URB1: variants seen among roughly 807,000 people sequenced by gnomAD.
URB1 encodes nucleolar pre-ribosomal-associated protein 1.
A neutral mutation model predicts 242.3 loss-of-function variants in URB1; 197 were observed. The ratio of observed to expected loss-of-function variants is 0.81; its 90% CI spans 0.72 to 0.91. URB1 has a LOEUF of 0.91. URB1 is among the 40% of genes least tolerant of loss of function. URB1 has a pLI of 0.00. For missense variants in URB1, 2,721 were observed against 2,860.5 expected, an observed-to-expected ratio of 0.95 and a Z score of 1.11; for synonymous variants, 1,153 against 1,201.8, an observed-to-expected ratio of 0.96 and a Z score of 0.84.
At chr21:32,389,522 T>C (rs2033616764) in intron 1 of URB1, among the ~76,000 whole-genome samples, 1 of 152,134 alleles carries the variant, frequency 6.6e-6, no homozygotes, top group Non-Finnish European at 1.5e-5. Flanking sequence ...GGACTGATGA[T>C]GCCTGGACTA....
At chr21:32,383,295 C>A in intron 4 of URB1, 127 bp downstream of exon 4, 1 of 1,242,992 alleles carries the variant, frequency 8.0e-7, no homozygotes, top group South Asian at 1.6e-5. Context: ...CTGACACACA[C>A]CTTTCTACAT....
chr21:32,315,423 C>T (rs2032667476), intron 38 of URB1, among the ~76,000 whole-genome samples: 2 of 152,088 alleles, frequency 1.3e-5, no homozygotes, highest in South Asian at 4.2e-4. Flanking sequence ...AGGTGATCCT[C>T]CCACCTCAGC....
At chr21:32,330,270 T>A (rs2032878831) in intron 30 of URB1, among the ~76,000 whole-genome samples, 1 of 151,172 alleles carries the variant, frequency 6.6e-6, no homozygotes, top group Non-Finnish European at 1.5e-5. Flanking sequence ...AATGTTCTAC[T>A]TTGATATGAA....
At chr21:32,343,128 G>C (rs1342763293) in intron 24 of URB1, among the ~76,000 whole-genome samples, 1 of 151,716 alleles carries the variant, frequency 6.6e-6, no homozygotes, top group African/African-American at 2.4e-5. Flanking sequence ...TATATAACAA[G>C]GTTTCTACAG....
Position 32,383,561 on chromosome 21 carries a change from A to C in URB1, c.435-7T>G. On this transcript the variant is annotated splice_region_variant and splice_polypyrimidine_tract_variant and intron_variant, in intron 3 of 38. Coordinates refer to ENST00000382751, the MANE Select transcript of URB1 (RefSeq NM_014825.3). ...CAGGCAGGCGCGAGCCAACCTGCAC[A>C]GGGAACCAGAGGAAATCGGACACGT... The C allele has an allele frequency of 1.3e-6, 2 of 1,549,038 alleles. No homozygotes were observed. The highest frequency in any genetic ancestry group is 1.7e-6 in the Non-Finnish European group (2 of 1,145,988).
intron 1 of URB1, among the ~76,000 whole-genome samples, chr21:32,387,247 T>C (rs1230292227): frequency 6.6e-6 from 1 of 152,094 alleles, no homozygotes; most frequent in Non-Finnish European, 1.5e-5. Context: ...GCCACCTGTG[T>C]GCCGCTGCCC....
Position 32,311,983 on chromosome 21 carries a change from A to C in URB1, c.*2935T>G. ...CCTCCCCCTGGAGACAGGACCTCTC[A>C]ATTGCAGAGCTGATGTCAGTAAATC... is the stretch of plus-strand genomic sequence containing the variant. On this transcript the variant is annotated 3_prime_UTR_variant, in exon 39 of 39. Coordinates refer to ENST00000382751, the MANE Select transcript of URB1 (RefSeq NM_014825.3). 1 of 1,613,294 alleles carries C rather than the reference A, an allele frequency of 6.2e-7. No individual in the cohort carries two copies. The highest frequency in any genetic ancestry group is 8.5e-7 in the Non-Finnish European group (1 of 1,180,030).
At chr21:32,377,265 G>A (rs111772913) in intron 5 of URB1, 396 of 517,410 alleles carry the variant, frequency 7.7e-4, no homozygotes, top group Non-Finnish European at 1.3e-3. Flanking sequence ...GTTTGCTCTG[G>A]CATGGGGTAC....
chr21:32,321,691 C>A lies in URB1; in HGVS notation c.5484+110G>T, dbSNP rs1046760646. 2.1e-6 allele frequency: 3 copies of A among 1,461,128 alleles called. No individual in the cohort carries two copies. In the South Asian group the frequency reaches 4.1e-5, roughly 20 times the overall value. The allele number at this position is 1,461,128 out of a possible 1,614,324, so 90.5% of individuals were successfully genotyped here. A position where few individuals can be genotyped will look rare whatever the true frequency, so the allele number is the denominator to read the frequency against. On this transcript the variant is annotated intron_variant, in intron 34 of 38. Coordinates refer to ENST00000382751, the MANE Select transcript of URB1 (RefSeq NM_014825.3). ...CCCTAACTGAGAGCCAGGGTTAGGT[C>A]GGTCGTGTCCAGGCTGGGAACTGAA...
intron 6 of URB1, 37 bp from the exon 7 acceptor site, chr21:32,373,809 T>A: frequency 6.8e-7 from 1 of 1,468,458 alleles, no homozygotes; most frequent in Non-Finnish European, 9.1e-7. Flanking sequence ...AAAAAACAAA[T>A]TATGAAAAAG....
chr21:32,345,933 A>G (rs1419027005), intron 22 of URB1, among the ~76,000 whole-genome samples: 1 of 152,116 alleles, frequency 6.6e-6, no homozygotes, highest in Admixed American at 6.5e-5. Flanking sequence ...GGTAGCTGCT[A>G]TGGTTTGGAT....
intron 21 of URB1, among the ~76,000 whole-genome samples, chr21:32,348,146 G>A (rs2033115461): frequency 6.6e-6 from 1 of 152,202 alleles, no homozygotes; most frequent in Non-Finnish European, 1.5e-5. Flanking sequence ...TCCAGCATGG[G>A]AAAAGTGCTC....
chr21:32,355,139 C>A, intron 16 of URB1, 142 bp from the exon 17 acceptor site: 1 of 1,166,384 alleles, frequency 8.6e-7, no homozygotes, highest in Non-Finnish European at 1.2e-6. Context: ...GAAATTGGGC[C>A]TAAACTTTTT....
chr21:32,325,128 G>A (rs987408842), intron 31 of URB1, 101 bp downstream of exon 31: 27 of 1,371,242 alleles, frequency 2.0e-5, no homozygotes, highest in Non-Finnish European at 2.4e-5. Flanking sequence ...TGCCACCTCC[G>A]TGTTCCCTAG....
intron 31 of URB1, 22 bp downstream of exon 31, chr21:32,325,207 G>A: frequency 6.5e-7 from 1 of 1,542,154 alleles, no homozygotes; most frequent in Non-Finnish European, 8.8e-7. Context: ...CCCACAGTAG[G>A]ATGTACGCTC....
rs1303823330 is a variant in URB1, at chr21:32,363,305, T to G, written c.1360A>C (p.Thr454Pro). 1 of 1,551,638 alleles carries G rather than the reference T, an allele frequency of 6.4e-7. No individual in the cohort carries two copies. The highest frequency in any genetic ancestry group is 2.4e-5 in the East Asian group (1 of 40,922). The change falls in exon 11 of 39, where the codon ACA (threonine) becomes CCA (proline). Residue 454 changes from threonine to proline, a missense_variant. Coordinates refer to ENST00000382751, the MANE Select transcript of URB1 (RefSeq NM_014825.3). ...LNLDSTSVRH[T>P]ALSLISVILK... Reference sequence around the variant, plus strand: ...ATGACAGAAATAAGGGATAAGGCTGTGTGCCTCACTGAGGTGCTGTCCAAC... The same window carrying G: ...ATGACAGAAATAAGGGATAAGGCTGGGTGCCTCACTGAGGTGCTGTCCAAC...
In URB1 at chr21:32,319,200, G is replaced by T. The variant is rs1293553272; in HGVS notation, c.5792+17C>A. ...CCAAGAGGCCAGAAGGGCCCCCCTG[G>T]CGGGGGCAGGACTCACCTCAGGTGC... On this transcript the variant is annotated intron_variant, in intron 36 of 38. Transcript: ENST00000382751. 6.5e-7 allele frequency: 1 copy of T among 1,535,644 alleles called. No homozygotes were observed. The highest frequency in any genetic ancestry group is 8.8e-7 in the Non-Finnish European group (1 of 1,142,236).
Position 32,312,274 on chromosome 21 carries a change from G to A in URB1, c.*2644C>T. ...GGAAGAGTAGGAAAATAAAATATAT[G>A]CAAATCAAGAGGAAAAGCTGTTTGC... On this transcript the variant is annotated 3_prime_UTR_variant, in exon 39 of 39. Coordinates refer to ENST00000382751, the MANE Select transcript of URB1 (RefSeq NM_014825.3). 7.3e-7 allele frequency: 1 copy of A among 1,379,168 alleles called. No individual in the cohort carries two copies. The highest frequency in any genetic ancestry group is 9.4e-7 in the Non-Finnish European group (1 of 1,064,600). 85.4% of individuals were successfully genotyped at this position (1,379,168 alleles called of 1,614,324 possible).
chr21:32,355,055 G>A, intron 16 of URB1, 58 bp from the exon 17 acceptor site: 2 of 1,492,504 alleles, frequency 1.3e-6, no homozygotes, highest in African/African-American at 1.4e-5. Flanking sequence ...AAATGAAGAA[G>A]CCAAAAAATG....
Sources: gnomAD v4.1 joint callset for allele counts (sites outside exome capture counted in the v4.1 genomes callset) on GRCh38, gnomAD v4.1.1 for gene constraint, MANE v1.5 for transcripts, NCBI Gene and HGNC (gene_info 2026-07-23, HGNC 2026-07-21) for gene names.